GLUD1: variants seen among roughly 807,000 people sequenced by gnomAD.
GLUD1 encodes the protein glutamate dehydrogenase 1, mitochondrial.
A neutral mutation model predicts 56.0 loss-of-function variants in GLUD1; 22 were observed. The ratio of observed to expected loss-of-function variants is 0.39; its 90% CI spans 0.28 to 0.56. GLUD1 has a LOEUF of 0.56. GLUD1 is among the 20% of genes least tolerant of loss of function. The probability of loss-of-function intolerance (pLI) is 0.58; values close to 1 mark genes in which losing one functional copy is unlikely to be tolerated. For synonymous variants in GLUD1, 223 were observed against 269.9 expected, an observed-to-expected ratio of 0.83 and a Z score of 1.70; for missense variants, 451 against 732.0, an observed-to-expected ratio of 0.62 and a Z score of 4.43.
intron 1 of GLUD1, among the ~76,000 whole-genome samples, chr10:87,090,692 C>T (rs111524404): frequency 1.2e-3 from 181 of 152,300 alleles, no homozygotes; most frequent in African/African-American, 4.2e-3. Flanking sequence ...TCTGACTGAA[C>T]TTTCAGAAAA....
chr10:87,081,946 C>CAAAAAAAA (rs71019464), intron 1 of GLUD1, among the ~76,000 whole-genome samples: 4 of 85,634 alleles, frequency 4.7e-5, no homozygotes, highest in Non-Finnish European at 7.5e-5. Flanking sequence ...ATGATCAATA[C>CAAAAAAAA]AAAAAAAAAA....
intron 5 of GLUD1, 88 bp from the exon 6 acceptor site, chr10:87,062,923 T>C: frequency 8.3e-7 from 1 of 1,209,980 alleles, no homozygotes; most frequent in Non-Finnish European, 1.2e-6. Flanking sequence ...AAGCACATTC[T>C]CATTTAATCA....
chr10:87,070,410 C>A (rs1357673965), intron 4 of GLUD1, among the ~76,000 whole-genome samples: 2 of 152,108 alleles, frequency 1.3e-5, no homozygotes, highest in African/African-American at 4.8e-5. Context: ...ACCATCCTGG[C>A]CAACGTGGTA....
chr10:87,070,477 T>C (rs1403543765), intron 4 of GLUD1, among the ~76,000 whole-genome samples: 2 of 152,058 alleles, frequency 1.3e-5, no homozygotes, highest in Non-Finnish European at 2.9e-5. Flanking sequence ...CACATGCCCA[T>C]AGTCCCAGCT....
In GLUD1 at chr10:87,051,396, A is replaced by G. The variant is rs569595849; in HGVS notation, c.*355T>C. 3 of 375,166 alleles carry G rather than the reference A, an allele frequency of 8.0e-6. No homozygotes were observed. Among genetic ancestry groups the G allele is most frequent in the African/African-American group, 6.3e-5 (3 of 47,570 alleles). 23.2% of individuals were successfully genotyped at this position (375,166 alleles called of 1,614,324 possible). A position where few individuals can be genotyped will look rare whatever the true frequency, so the allele number is the denominator to read the frequency against. ...TGTCCCAGACTCATCCAGAAAAAAT[A>G]AGCAAGCAACTGACTGCTCTTGACT... On this transcript the variant is annotated 3_prime_UTR_variant, in exon 13 of 13. Coordinates refer to ENST00000277865, the MANE Select transcript of GLUD1 (RefSeq NM_005271.5).
chr10:87,085,939 C>G (rs139894824), intron 1 of GLUD1, among the ~76,000 whole-genome samples: 1 of 152,094 alleles, frequency 6.6e-6, no homozygotes, highest in Admixed American at 6.6e-5. Context: ...GTCTTGGAAT[C>G]GGAAATGATG....
chr10:87,063,068 TGTTTG>T (rs1188458380), intron 5 of GLUD1, among the ~76,000 whole-genome samples: 5,471 of 129,260 alleles, frequency 0.042, 275 homozygotes, highest in Admixed American at 0.13. Flanking sequence ...TTTTTTTTTT[TGTTTG>T]TTTGTTTGTT....
At chr10:87,085,424 A>G (rs924919357) in intron 1 of GLUD1, among the ~76,000 whole-genome samples, 10 of 151,908 alleles carry the variant, frequency 6.6e-5, no homozygotes, top group Admixed American at 5.9e-4. Context: ...TGTATAAAGT[A>G]GGCAAATACC....
Position 87,051,549 on chromosome 10 carries a change from A to C in GLUD1, c.*202T>G, listed in dbSNP as rs1247621895. On this transcript the variant is annotated 3_prime_UTR_variant, in exon 13 of 13. Coordinates refer to ENST00000277865, the MANE Select transcript of GLUD1 (RefSeq NM_005271.5). ...TGGCTCTCTGGTGTAGGTGATTTCTACTTTCACACTCAGCTTGTACATGAT... is the reference window on the plus strand; with the variant it reads ...TGGCTCTCTGGTGTAGGTGATTTCTCCTTTCACACTCAGCTTGTACATGAT... 1 of 676,298 alleles carries C rather than the reference A, an allele frequency of 1.5e-6. No individual in the cohort carries two copies. The highest frequency in any genetic ancestry group is 2.7e-6 in the Non-Finnish European group (1 of 374,070). The allele number at this position is 676,298 out of a possible 1,614,324, so 41.9% of individuals were successfully genotyped here. A position where few individuals can be genotyped will look rare whatever the true frequency, so the allele number is the denominator to read the frequency against.
In GLUD1 at chr10:87,094,811, GC is replaced by G; in HGVS notation, c.-43del. ...GAGGTGCGTGATGGTCGCGAAACAG[GC>G]GCGCTTTCTCAGACTCCCCGCGACT... On this transcript the variant is annotated 5_prime_UTR_variant, in exon 1 of 13. Transcript: ENST00000277865. The surrounding 1 kb of genome is among the most constrained non-coding windows in gnomAD (Gnocchi z 6.6). The G allele has an allele frequency of 6.8e-7, 1 of 1,475,026 alleles. No homozygotes were observed. Among genetic ancestry groups the G allele is most frequent in the South Asian group, 1.2e-5 (1 of 83,910 alleles). The allele number at this position is 1,475,026 out of a possible 1,614,324, so 91.4% of individuals were successfully genotyped here.
At chr10:87,082,218 A>T (rs1841278739) in intron 1 of GLUD1, among the ~76,000 whole-genome samples, 1 of 151,844 alleles carries the variant, frequency 6.6e-6, no homozygotes, top group African/African-American at 2.4e-5. Context: ...ATATTCTAGA[A>T]ATAGATGTTA....
At chr10:87,082,700 G>A (rs2133845489) in intron 1 of GLUD1, among the ~76,000 whole-genome samples, 1 of 152,222 alleles carries the variant, frequency 6.6e-6, no homozygotes. Flanking sequence ...TCTAGAAATT[G>A]GCAAATATTG....
intron 5 of GLUD1, among the ~76,000 whole-genome samples, chr10:87,064,344 G>A (rs909619228): frequency 2.6e-5 from 4 of 152,178 alleles, no homozygotes; most frequent in Admixed American, 2.0e-4. Flanking sequence ...GCACGGCCAC[G>A]AGAACACTGC....
At chr10:87,057,955 G>T (rs1845831141) in intron 10 of GLUD1, among the ~76,000 whole-genome samples, 173 bp from the exon 11 acceptor site, 1 of 152,146 alleles carries the variant, frequency 6.6e-6, no homozygotes, top group African/African-American at 2.4e-5. Flanking sequence ...TGCAAACTCT[G>T]CCTCCCGGGT....
At chr10:87,090,396 T>C (rs1311342587) in intron 1 of GLUD1, among the ~76,000 whole-genome samples, 1 of 152,180 alleles carries the variant, frequency 6.6e-6, no homozygotes, top group Non-Finnish European at 1.5e-5. Flanking sequence ...CTTTGGATAA[T>C]GAGTGAGCAG....
chr10:87,059,311 T>TG, intron 9 of GLUD1, 38 bp from the exon 10 acceptor site: 1 of 1,608,412 alleles, frequency 6.2e-7, no homozygotes, highest in African/African-American at 1.3e-5. Context: ...TAGAAGATGA[T>TG]GGTTTTCGTA....
Position 87,094,733 on chromosome 10 carries a change from G to C in GLUD1, c.37C>G (p.Arg13Gly). ...RYLGEALLLS[R>G]AGPAALGSAS... ...GAGCCCAGGGCAGCGGGCCCGGCCC[G>C]GGACAGCAACAGCGCTTCGCCCAGG... Residue 13 changes from arginine (R) to glycine (G), a missense_variant, in exon 1 of 13, where the codon CGG (arginine) becomes GGG (glycine). Around this residue, in one of 4 missense-constraint regions of GLUD1, gnomAD observed 158 missense variants for 189.7 expected, o/e 0.83. Coordinates refer to ENST00000277865, the MANE Select transcript of GLUD1 (RefSeq NM_005271.5). This position sits in a 1 kb window ranked among gnomAD's most constrained non-coding sequence, Gnocchi z 6.6. The C allele has an allele frequency of 6.6e-7, 1 of 1,524,704 alleles. No individual in the cohort carries two copies. The highest frequency in any genetic ancestry group is 8.8e-7 in the Non-Finnish European group (1 of 1,134,818). The allele number at this position is 1,524,704 out of a possible 1,614,324, so 94.4% of individuals were successfully genotyped here.
At chr10:87,072,389 CAT>C (rs1337429591) in intron 4 of GLUD1, among the ~76,000 whole-genome samples, 1 of 152,202 alleles carries the variant, frequency 6.6e-6, no homozygotes, top group Non-Finnish European at 1.5e-5. Context: ...GCTAAACACA[CAT>C]GTGACAGGAT....
At chr10:87,061,421 G>C (rs1845925533) in intron 6 of GLUD1, among the ~76,000 whole-genome samples, 1 of 152,016 alleles carries the variant, frequency 6.6e-6, no homozygotes, top group Non-Finnish European at 1.5e-5. Context: ...GGGAGAATGA[G>C]GTAGGAGAAT....
Sources: gnomAD v4.1 joint callset for allele counts (sites outside exome capture counted in the v4.1 genomes callset) on GRCh38, gnomAD v4.1.1 for gene constraint, gnomAD v4.1.1 regional missense constraint, Gnocchi (gnomAD v3.1) non-coding constraint, MANE v1.5 for transcripts, NCBI Gene and HGNC (gene_info 2026-07-23, HGNC 2026-07-21) for gene names.